AGBL4: variants seen among roughly 807,000 people sequenced by gnomAD.
AGBL4 encodes the protein cytosolic carboxypeptidase 6.
In AGBL4, 58 loss-of-function variants were observed where a neutral mutation model predicts 66.4. That is an observed-to-expected ratio of 0.87 (90% confidence interval 0.71 to 1.09). The LOEUF (loss-of-function observed/expected upper bound fraction) is 1.09. Ranked by LOEUF, AGBL4 falls within the 50% of genes least tolerant of loss-of-function variation. The pLI is 0.00. For missense variants in AGBL4, 579 were observed against 631.0 expected, an observed-to-expected ratio of 0.92 and a Z score of 0.88; for synonymous variants, 234 against 222.9, an observed-to-expected ratio of 1.05 and a Z score of -0.44.
chr1:48,937,071 A>T (rs1557479587), intron 5 of AGBL4, among the ~76,000 whole-genome samples: 1 of 152,242 alleles, frequency 6.6e-6, no homozygotes, highest in Admixed American at 6.5e-5. Flanking sequence ...CAAGGCCGGA[A>T]GTAAGAATGT....
At chr1:49,893,549 C>G (rs1648864484) in intron 1 of AGBL4, among the ~76,000 whole-genome samples, 1 of 152,108 alleles carries the variant, frequency 6.6e-6, no homozygotes, top group Non-Finnish European at 1.5e-5. Flanking sequence ...ACTGAAAAGC[C>G]CTTGGGCCTT....
intron 5 of AGBL4, among the ~76,000 whole-genome samples, chr1:48,924,518 A>T (rs1351868572): frequency 6.6e-6 from 1 of 152,164 alleles, no homozygotes; most frequent in Non-Finnish European, 1.5e-5. Context: ...ACACTCAGTG[A>T]ATGACAAATT....
chr1:49,867,718 G>A (rs1270894392), intron 1 of AGBL4, among the ~76,000 whole-genome samples: 1 of 151,992 alleles, frequency 6.6e-6, no homozygotes, highest in African/African-American at 2.4e-5. Context: ...AGGTCCTGAA[G>A]GAAGCACTAA....
At chr1:49,317,138 T>C (rs1645053487) in intron 3 of AGBL4, among the ~76,000 whole-genome samples, 1 of 151,984 alleles carries the variant, frequency 6.6e-6, no homozygotes, top group African/African-American at 2.4e-5. Context: ...ACTTTGTTTA[T>C]GTATTTTTAA....
chr1:49,088,212 A>G (rs181131570), intron 4 of AGBL4, among the ~76,000 whole-genome samples: 17 of 152,352 alleles, frequency 1.1e-4, no homozygotes, highest in Non-Finnish European at 2.4e-4. Context: ...ATATGATGAC[A>G]GGATAAAACC....
chr1:49,213,354 T>C (rs1171736404), intron 4 of AGBL4, among the ~76,000 whole-genome samples: 1 of 152,116 alleles, frequency 6.6e-6, no homozygotes, highest in African/African-American at 2.4e-5. Context: ...AATCTTGTGG[T>C]GAATTATAAT....
At chr1:49,633,477 A>AAAT (rs1237677645) in intron 3 of AGBL4, among the ~76,000 whole-genome samples, 2 of 152,160 alleles carry the variant, frequency 1.3e-5, no homozygotes, top group African/African-American at 4.8e-5. Flanking sequence ...TACAGTAAAG[A>AAAT]AATAATAAGA....
rs570149094 is a variant in AGBL4, at chr1:49,649,712, G to A, written c.282+47601C>T. Among the ~76,000 whole-genome samples, 9 of 152,088 alleles carry A rather than the reference G, an allele frequency of 5.9e-5. No homozygotes were observed. In the South Asian group the frequency reaches 1.9e-3, roughly 32 times the overall value. ...ATACATTCTTCTCAAGCTCTAGTAG[G>A]AAATTAACCAAGATAGACCTCATTT... On this transcript the variant is annotated intron_variant, in intron 3 of 13. Transcript: ENST00000371839.
intron 2 of AGBL4, among the ~76,000 whole-genome samples, chr1:49,729,886 C>A (rs1434144418): frequency 1.3e-5 from 2 of 152,118 alleles, no homozygotes; most frequent in Non-Finnish European, 2.9e-5. Context: ...TGAAACCCAA[C>A]CTTCAAACAA....
At chr1:50,002,359 CTTTTTTTTTTT>C (rs372960346) in intron 1 of AGBL4, among the ~76,000 whole-genome samples, 1,483 of 95,988 alleles carry the variant, frequency 0.015, 13 homozygotes, top group African/African-American at 0.035. Flanking sequence ...TGCCCTAGTT[CTTTTTTTTTTT>C]TTTTTTTTTT....
At chr1:49,590,678 T>G (rs538242276) in intron 3 of AGBL4, among the ~76,000 whole-genome samples, 1 of 152,196 alleles carries the variant, frequency 6.6e-6, no homozygotes, top group Non-Finnish European at 1.5e-5. Context: ...ACCATCAATC[T>G]AATATCCTCA....
chr1:49,255,593 A>C (rs569963842), intron 3 of AGBL4, among the ~76,000 whole-genome samples: 1 of 152,342 alleles, frequency 6.6e-6, no homozygotes, highest in East Asian at 1.9e-4. Flanking sequence ...CCATTTTGGA[A>C]GACAGTGTGG....
In AGBL4 at chr1:48,647,301, A is replaced by G. The variant is rs532774342; in HGVS notation, c.839+6036T>C. The stretch of plus-strand genomic sequence containing the variant: ...TACTGAGGTTTTCCAAAGATGAGAA[A>G]TTTCACAGCATTCTGCTATCTTTTG... On this transcript the variant is annotated intron_variant, in intron 8 of 13. Transcript: ENST00000371839. 5.9e-5 allele frequency among the ~76,000 whole-genome samples: 9 copies of G among 152,326 alleles called. No individual in the cohort carries two copies. In the South Asian group the frequency reaches 1.7e-3, roughly 28 times the overall value.
intron 6 of AGBL4, among the ~76,000 whole-genome samples, chr1:48,796,696 C>T (rs1188730690): frequency 6.6e-6 from 1 of 152,138 alleles, no homozygotes; most frequent in African/African-American, 2.4e-5. Context: ...ACTGTGGTTA[C>T]GAGTCTAAAG....
intron 6 of AGBL4, among the ~76,000 whole-genome samples, chr1:48,730,275 G>A (rs893300288): frequency 6.6e-6 from 1 of 152,168 alleles, no homozygotes; most frequent in Non-Finnish European, 1.5e-5. Flanking sequence ...GTAGGAACCT[G>A]AACCAAATGA....
At chr1:48,784,903 A>C (rs548638487) in intron 6 of AGBL4, among the ~76,000 whole-genome samples, 1 of 152,362 alleles carries the variant, frequency 6.6e-6, no homozygotes, top group East Asian at 1.9e-4. Flanking sequence ...AAATTGTCAC[A>C]AAGAACCAAC....
chr1:49,304,271 A>G (rs1644809649), intron 3 of AGBL4, among the ~76,000 whole-genome samples: 1 of 152,136 alleles, frequency 6.6e-6, no homozygotes, highest in South Asian at 2.1e-4. Flanking sequence ...CGAAGATCAG[A>G]TGGTTGCAGA....
chr1:49,006,174 G>T (rs183365280), intron 5 of AGBL4, among the ~76,000 whole-genome samples: 3 of 152,084 alleles, frequency 2.0e-5, no homozygotes, highest in Non-Finnish European at 4.4e-5. Flanking sequence ...TGCGTGCACC[G>T]TGCGCGAGCC....
At chr1:49,177,894 T>C (rs1235142834) in intron 4 of AGBL4, among the ~76,000 whole-genome samples, 1 of 152,060 alleles carries the variant, frequency 6.6e-6, no homozygotes, top group Non-Finnish European at 1.5e-5. Flanking sequence ...GGAATACCAA[T>C]TTTCCTGAAA....
Sources: allele counts gnomAD v4.1 joint callset (sites outside exome capture counted in the v4.1 genomes callset), GRCh38; gene constraint gnomAD v4.1.1; transcripts MANE v1.5; gene names NCBI Gene and HGNC (gene_info 2026-07-23, HGNC 2026-07-21).